NAV3: variants seen among roughly 807,000 people sequenced by gnomAD.
The protein encoded by NAV3 is pore membrane and/or filament interacting like protein 1.
A neutral mutation model predicts 244.7 loss-of-function variants in NAV3; 87 were observed. The observed-to-expected ratio is 0.36, with a 90% CI of 0.30 to 0.42. The LOEUF (loss-of-function observed/expected upper bound fraction) is 0.42, where lower values mean the gene tolerates loss of function less well. Among genes scored for constraint, NAV3 ranks in the 20% least tolerant of loss-of-function variants. The probability of loss-of-function intolerance (pLI) is 1.00; values close to 1 mark genes in which losing one functional copy is unlikely to be tolerated. For synonymous variants in NAV3, 1,126 were observed against 1,042.2 expected (o/e 1.08, Z -1.55); for missense variants, 2,663 against 2,893.3 (o/e 0.92, Z 1.83).
At chr12:77,690,828 TTCTC>T (rs1328627927) in intron 2 of NAV3, among the ~76,000 whole-genome samples, 2 of 150,240 alleles carry the variant, frequency 1.3e-5, no homozygotes, top group Non-Finnish European at 3.0e-5. Flanking sequence ...ACTGCCTCTT[TTCTC>T]TCTCTTCCTA....
At chr12:77,977,391 T>G (rs1868640055) in intron 5 of NAV3, among the ~76,000 whole-genome samples, 1 of 152,178 alleles carries the variant, frequency 6.6e-6, no homozygotes, top group Non-Finnish European at 1.5e-5. Flanking sequence ...TTTAGTTCTT[T>G]TATTGGTTAA....
At chr12:77,684,225 T>C (rs1322712278) in intron 2 of NAV3, among the ~76,000 whole-genome samples, 2 of 152,210 alleles carry the variant, frequency 1.3e-5, no homozygotes, top group Non-Finnish European at 2.9e-5. Context: ...GGCATTCACA[T>C]ATACTCTTCT....
chr12:78,131,397 A>G (rs1956159860), intron 18 of NAV3, among the ~76,000 whole-genome samples: 1 of 152,200 alleles, frequency 6.6e-6, no homozygotes, highest in Non-Finnish European at 1.5e-5. Flanking sequence ...TTGCTTTAAG[A>G]TGCAGTTGAT....
At chr12:77,645,589 G>A (rs1478647209) in intron 2 of NAV3, among the ~76,000 whole-genome samples, 5 of 143,122 alleles carry the variant, frequency 3.5e-5, no homozygotes, top group African/African-American at 1.1e-4. Flanking sequence ...TCAGGTATTA[G>A]CCAGGACAAA....
intron 2 of NAV3, among the ~76,000 whole-genome samples, chr12:77,588,160 T>C (rs1441335775): frequency 6.8e-6 from 1 of 147,878 alleles, no homozygotes; most frequent in African/African-American, 2.4e-5. Context: ...TTCTGTCACC[T>C]AGGCTGAAGT....
chr12:77,723,233 T>C (rs1262243374), intron 2 of NAV3, among the ~76,000 whole-genome samples: 2 of 151,646 alleles, frequency 1.3e-5, no homozygotes, highest in Non-Finnish European at 2.9e-5. Flanking sequence ...TTTCCTTTAC[T>C]AAGCCCTACA....
chr12:77,692,774 T>A (rs930439957), intron 2 of NAV3, among the ~76,000 whole-genome samples: 2 of 151,976 alleles, frequency 1.3e-5, no homozygotes, highest in East Asian at 1.9e-4. Context: ...TTAAAAAAAA[T>A]ATGTTTCTGC....
At chr12:77,903,480 T>C (rs922315278) in intron 1 of NAV3, among the ~76,000 whole-genome samples, 1 of 152,154 alleles carries the variant, frequency 6.6e-6, no homozygotes, top group Non-Finnish European at 1.5e-5. Flanking sequence ...TTACACCTTA[T>C]ACAAAAATTA....
At chr12:77,826,688 G>A (rs529082715), upstream of NAV3, among the ~76,000 whole-genome samples, 4 of 152,242 alleles carry the variant, frequency 2.6e-5, no homozygotes, top group East Asian at 3.9e-4. Context: ...AGCCAAAAAC[G>A]AAAATACTGA....
At chr12:77,798,282 A>G (rs1475987014) in intron 2 of NAV3, among the ~76,000 whole-genome samples, 1 of 152,202 alleles carries the variant, frequency 6.6e-6, no homozygotes, top group Non-Finnish European at 1.5e-5. Flanking sequence ...CCAACTGGAT[A>G]TTTAACTAAA....
Position 78,200,511 on chromosome 12 carries a change from G to A in NAV3, c.6754G>A (p.Gly2252Ser), listed in dbSNP as rs199935356. 553 of 1,596,760 alleles carry A rather than the reference G, an allele frequency of 3.5e-4. 1 individual carries two copies. The highest frequency in any genetic ancestry group is 4.4e-4 in the Non-Finnish European group (516 of 1,171,200). ...CCTTCCTTGCCCCATGGATGTAGAA[G>A]GTTCTAGAGTATGGTTCATGGATCT... The part of the protein sequence containing the change: ...LFLPCPMDVE[G>S]SRVWFMDLWN... Residue 2252 changes from glycine to serine, a missense_variant, in exon 38 of 40, where the codon GGT becomes AGT. Gly to Ser is a moderately conservative substitution (Grantham distance 56, BLOSUM62 0). Coordinates refer to ENST00000397909, the MANE Select transcript of NAV3 (RefSeq NM_001024383.2).
chr12:77,668,164 C>A (rs988983339), intron 2 of NAV3, among the ~76,000 whole-genome samples: 3 of 152,078 alleles, frequency 2.0e-5, no homozygotes, highest in African/African-American at 7.2e-5. Context: ...TGGATCTGAC[C>A]TAGTCTACCC....
At chr12:78,018,296 A>T (rs1876570713) in intron 8 of NAV3, among the ~76,000 whole-genome samples, 1 of 152,138 alleles carries the variant, frequency 6.6e-6, no homozygotes, top group Admixed American at 6.6e-5. Flanking sequence ...GTAGGAATAC[A>T]TTTTTTTAAA....
Position 77,846,190 on chromosome 12 carries a change from A to G in NAV3, c.243+14486A>G, listed in dbSNP as rs74497620. On this transcript the variant is annotated intron_variant, in intron 1 of 39. Transcript: ENST00000397909. ...TAAATGACAAAGTGTCTGTAATTTC[A>G]GATCCTCCTCCATTAAAATCTATTA... 6.7e-3 allele frequency among the ~76,000 whole-genome samples: 1,024 copies of G among 152,292 alleles called. 12 individuals carry two copies. Among genetic ancestry groups the G allele is most frequent in the African/African-American group, 0.024 (980 of 41,552 alleles).
intron 5 of NAV3, among the ~76,000 whole-genome samples, chr12:77,980,128 A>C (rs1193152218): frequency 6.6e-6 from 1 of 152,150 alleles, no homozygotes; most frequent in Non-Finnish European, 1.5e-5. Context: ...TTATCTGATA[A>C]GTTTCAGTTC....
At chr12:78,139,489 C>T (rs1433230255) in intron 19 of NAV3, among the ~76,000 whole-genome samples, 1 of 152,064 alleles carries the variant, frequency 6.6e-6, no homozygotes, top group African/African-American at 2.4e-5. Flanking sequence ...ATCGTTCATA[C>T]TCAACTAATG....
Position 78,211,848 on chromosome 12 carries a change from C to T in NAV3, c.*1331C>T, listed in dbSNP as rs3803039. 0.12 allele frequency: 17,826 copies of T among 152,298 alleles called. 1,171 individuals carry two copies. Among genetic ancestry groups the T allele is most frequent in the South Asian group, 0.19 (902 of 4,822 alleles). The allele number at this position is 152,298 out of a possible 1,614,324, so 9.4% of individuals were successfully genotyped here. A position where few individuals can be genotyped will look rare whatever the true frequency, so the allele number is the denominator to read the frequency against. On this transcript the variant is annotated 3_prime_UTR_variant, in exon 40 of 40. Transcript: ENST00000397909. Reference sequence around the variant, plus strand: ...GGTAAGGTCACTGTGGAAGAGGAAGCGTTTATACTGTAAAAGAAGGTTAGA... The same window carrying T: ...GGTAAGGTCACTGTGGAAGAGGAAGTGTTTATACTGTAAAAGAAGGTTAGA...
chr12:77,821,889 T>A (rs1872759260), intron 2 of NAV3, among the ~76,000 whole-genome samples: 1 of 152,174 alleles, frequency 6.6e-6, no homozygotes, highest in Non-Finnish European at 1.5e-5. Context: ...ACTGTTTTTT[T>A]AGGTTGCATT....
intron 1 of NAV3, among the ~76,000 whole-genome samples, chr12:77,914,114 G>A (rs192885471): frequency 6.6e-6 from 1 of 152,178 alleles, no homozygotes; most frequent in Non-Finnish European, 1.5e-5. Flanking sequence ...AATTTCAGCA[G>A]ATGTTTAGCT....
Sources: allele counts gnomAD v4.1 joint callset (sites outside exome capture counted in the v4.1 genomes callset), GRCh38; gene constraint gnomAD v4.1.1; transcripts MANE v1.5; gene names NCBI Gene and HGNC (gene_info 2026-07-23, HGNC 2026-07-21).